The following PPME1 variants were observed in gnomAD, a reference collection of about 807,000 sequenced individuals.
PPME1 encodes testicular secretory protein Li 39.
Under a neutral mutation model 56.9 loss-of-function variants are expected in PPME1, and 17 were observed. The observed-to-expected ratio is 0.30, with a 90% CI of 0.20 to 0.45. The LOEUF (loss-of-function observed/expected upper bound fraction) is 0.45, where lower values mean the gene tolerates loss of function less well. Ranked by LOEUF, PPME1 falls within the 20% of genes least tolerant of loss-of-function variation. PPME1 has a pLI of 1.00. For missense variants in PPME1, 357 were observed against 483.2 expected (o/e 0.74, Z 2.45); for synonymous variants, 122 against 156.2 (o/e 0.78, Z 1.63).
intron 5 of PPME1, among the ~76,000 whole-genome samples, chr11:74,225,821 C>G (rs903436953): frequency 1.3e-5 from 2 of 152,274 alleles, no homozygotes; most frequent in Non-Finnish European, 1.5e-5. Flanking sequence ...TACCCCAGAC[C>G]TACTTCTAGC....
At chr11:74,225,382 G>A in intron 5 of PPME1, 126 bp downstream of exon 5, 1 of 640,326 alleles carries the variant, frequency 1.6e-6, no homozygotes, top group Non-Finnish European at 2.5e-6. Flanking sequence ...TTTTACTTCT[G>A]TTCTCTCTCC....
chr11:74,232,528 A>G (rs547467148), intron 7 of PPME1, among the ~76,000 whole-genome samples: 6 of 152,356 alleles, frequency 3.9e-5, no homozygotes, highest in African/African-American at 7.2e-5. Flanking sequence ...TCAAAGATCT[A>G]TCTTGGGCAG....
intron 1 of PPME1, among the ~76,000 whole-genome samples, chr11:74,193,302 A>G (rs969190340): frequency 6.6e-6 from 1 of 152,242 alleles, no homozygotes; most frequent in South Asian, 2.1e-4. Flanking sequence ...TTGCTTTCTG[A>G]TGGTTCAGTT....
chr11:74,250,901 TAA>T (rs1859641128), intron 11 of PPME1, 51 bp from the exon 12 acceptor site: 2 of 1,472,370 alleles, frequency 1.4e-6, no homozygotes, highest in East Asian at 4.9e-5. Context: ...TGAGGCTGCA[TAA>T]GAGAGGGCTC....
chr11:74,242,024 A>G (rs914810348), intron 9 of PPME1, among the ~76,000 whole-genome samples: 4 of 152,130 alleles, frequency 2.6e-5, no homozygotes, highest in African/African-American at 4.8e-5. Flanking sequence ...TACTTTTGGT[A>G]TTATATCTAA....
chr11:74,252,343 C>T, intron 13 of PPME1: 1 of 429,694 alleles, frequency 2.3e-6, no homozygotes, highest in East Asian at 7.2e-5. Flanking sequence ...CCGCATCGGC[C>T]TCCTAAAGTG....
chr11:74,180,766 A>T (rs1446793290), intron 1 of PPME1, among the ~76,000 whole-genome samples: 3 of 152,208 alleles, frequency 2.0e-5, no homozygotes, highest in African/African-American at 7.2e-5. Context: ...GCAAATGTCA[A>T]TTAGCAATTA....
At position 74,239,860 on chromosome 11, in the gene PPME1, G is replaced by A. The variant is rs191674598; in HGVS notation, c.834+604G>A. Among the ~76,000 whole-genome samples, 793 of 151,928 alleles carry A rather than the reference G, an allele frequency of 5.2e-3. 4 individuals carry two copies. Among genetic ancestry groups the A allele is most frequent in the African/African-American group, 0.018 (732 of 41,440 alleles). ...CTCCCAAAGTGCTGGGATTACAGGC[G>A]TGAGCCACCATGCCCGGCCTAAGCT... On this transcript the variant is annotated intron_variant, in intron 9 of 13. Coordinates refer to ENST00000328257, the MANE Select transcript of PPME1 (RefSeq NM_016147.3).
At chr11:74,236,133 C>T (rs575581760) in intron 8 of PPME1, 167 bp downstream of exon 8, 16 of 1,143,528 alleles carry the variant, frequency 1.4e-5, no homozygotes, top group Middle Eastern at 2.2e-4. Flanking sequence ...GATTTTCTTT[C>T]GCCTGCCTTC....
Position 74,239,573 on chromosome 11 carries a change from C to T in PPME1, c.834+317C>T, listed in dbSNP as rs999848907. 9.5e-4 allele frequency among the ~76,000 whole-genome samples: 119 copies of T among 125,456 alleles called. No homozygotes were observed. In the East Asian group the frequency reaches 0.025, roughly 26 times the overall value. The allele number at this position is 125,456 out of a possible 152,430, so 82.3% of individuals were successfully genotyped here. A position where few individuals can be genotyped will look rare whatever the true frequency, so the allele number is the denominator to read the frequency against. On this transcript the variant is annotated intron_variant, in intron 9 of 13. Transcript: ENST00000328257. ...CAGTCTACTCTAAGCTCATCCAGAT[C>T]TTTTTTTTTTTTTTTTTTTTTGAGA...
At chr11:74,175,288 A>T (rs1256335007) in intron 1 of PPME1, among the ~76,000 whole-genome samples, 1 of 152,100 alleles carries the variant, frequency 6.6e-6, no homozygotes, top group East Asian at 1.9e-4. Flanking sequence ...GGATCACCTG[A>T]GGTCGGGAGT....
chr11:74,221,895 G>A (rs889606583), intron 3 of PPME1, among the ~76,000 whole-genome samples: 7 of 152,032 alleles, frequency 4.6e-5, no homozygotes, highest in Admixed American at 2.0e-4. Flanking sequence ...TGATTTGATT[G>A]TCATGTTTCT....
intron 5 of PPME1, among the ~76,000 whole-genome samples, chr11:74,226,434 G>C (rs1213789630): frequency 1.3e-5 from 2 of 152,130 alleles, no homozygotes; most frequent in African/African-American, 4.8e-5. Context: ...TCCACTCAAT[G>C]AACATATGCC....
intron 8 of PPME1, among the ~76,000 whole-genome samples, chr11:74,236,349 A>T (rs995992848): frequency 2.0e-5 from 3 of 152,220 alleles, no homozygotes; most frequent in African/African-American, 7.2e-5. Context: ...ATAATAAAAA[A>T]GCTCTGGCAT....
At chr11:74,238,982 G>C in intron 8 of PPME1, 151 bp from the exon 9 acceptor site, 1 of 771,762 alleles carries the variant, frequency 1.3e-6, no homozygotes. Flanking sequence ...ATTTTCCACA[G>C]CCCTGGAAAT....
chr11:74,233,756 A>G (rs1287081865), intron 7 of PPME1, among the ~76,000 whole-genome samples: 1 of 152,198 alleles, frequency 6.6e-6, no homozygotes, highest in Non-Finnish European at 1.5e-5. Flanking sequence ...CAGAAGTTCA[A>G]GGTTATAGTG....
intron 11 of PPME1, chr11:74,248,692 C>T (rs1022839203): frequency 1.3e-5 from 2 of 152,142 alleles, no homozygotes; most frequent in African/African-American, 4.8e-5. Flanking sequence ...TAATTACCAA[C>T]ATGAGTGCCA....
At chr11:74,225,439 G>A (rs1280658391) in intron 5 of PPME1, among the ~76,000 whole-genome samples, 183 bp downstream of exon 5, 7 of 151,934 alleles carry the variant, frequency 4.6e-5, no homozygotes, top group Admixed American at 6.6e-5. Context: ...AGAAACCTGC[G>A]TCTTTCTTGG....
rs567906940 is a variant in PPME1, at chr11:74,253,834, G to C, written c.*324G>C. 1.9e-5 allele frequency: 9 copies of C among 483,772 alleles called. No homozygotes were observed. Among genetic ancestry groups the C allele is most frequent in the African/African-American group, 1.4e-4 (7 of 51,268 alleles). 30.0% of individuals were successfully genotyped at this position (483,772 alleles called of 1,614,324 possible). The stretch of plus-strand genomic sequence containing the variant: ...TTGCCATACTGAGCCCCTCTTCCTA[G>C]CATCAGGCGATACATCTGAGTTCAA... On this transcript the variant is annotated 3_prime_UTR_variant, in exon 14 of 14. Transcript: ENST00000328257.
Sources: gnomAD v4.1 joint callset for allele counts (sites outside exome capture counted in the v4.1 genomes callset) on GRCh38, gnomAD v4.1.1 for gene constraint, MANE v1.5 for transcripts, NCBI Gene and HGNC (gene_info 2026-07-23, HGNC 2026-07-21) for gene names.